RHBDD1: variants seen among roughly 807,000 people sequenced by gnomAD.
The protein encoded by RHBDD1 is rhomboid domain containing 1.
In RHBDD1, 38 loss-of-function variants were observed where a neutral mutation model predicts 36.3. The ratio of observed to expected loss-of-function variants is 1.05; its 90% confidence interval spans 0.81 to 1.37. The LOEUF (loss-of-function observed/expected upper bound fraction) is 1.37. RHBDD1 is among the 40% of genes most tolerant of loss of function. The pLI is 0.00. For missense variants in RHBDD1, 393 were observed against 377.6 expected (o/e 1.04, Z -0.34); for synonymous variants, 151 against 136.5 (o/e 1.11, Z -0.74).
chr2:226,866,815 T>C (rs1007414760), intron 4 of RHBDD1, among the ~76,000 whole-genome samples: 5 of 152,158 alleles, frequency 3.3e-5, no homozygotes, highest in African/African-American at 9.7e-5. Context: ...TGTTTTTCCA[T>C]AGAGGTTAGA....
At position 226,914,334 on chromosome 2, in the gene RHBDD1, C is replaced by T; in HGVS notation, c.839C>T (p.Ala280Val). 6.2e-7 allele frequency: 1 copy of T among 1,613,254 alleles called. No homozygotes were observed. Among genetic ancestry groups the T allele is most frequent in the Middle Eastern group, 1.7e-4 (1 of 6,054 alleles). The change falls in exon 8 of 9, where the codon GCC becomes GTC. Residue 280 changes from alanine (A) to valine (V), a missense_variant. Transcript: ENST00000392062. ...EEEQLERALQASLWDRGNTRN... is the reference protein window; with the variant it reads ...EEEQLERALQVSLWDRGNTRN... Reference sequence around the variant, plus strand: ...GAACAGCTCGAGAGAGCATTACAAGCCAGCCTCTGGGACCGAGGTAGGAGT... The same window carrying T: ...GAACAGCTCGAGAGAGCATTACAAGTCAGCCTCTGGGACCGAGGTAGGAGT...
At chr2:226,851,403 G>C in intron 3 of RHBDD1, among the ~76,000 whole-genome samples, 1 of 152,024 alleles carries the variant, frequency 6.6e-6, no homozygotes, top group East Asian at 1.9e-4. Context: ...ATCCAACTGA[G>C]CCTAAAGAAA....
intron 3 of RHBDD1, among the ~76,000 whole-genome samples, chr2:226,842,177 CTG>C (rs150015692): frequency 0.17 from 26,189 of 151,860 alleles, 3,461 homozygotes; most frequent in African/African-American, 0.37. Context: ...TCCTTGTAGA[CTG>C]TGGATATTAA....
intron 8 of RHBDD1, among the ~76,000 whole-genome samples, chr2:226,986,588 C>T (rs1410405613): frequency 6.6e-6 from 1 of 152,198 alleles, no homozygotes. Context: ...AAAAGCTCAT[C>T]ATCACTGGTC....
At chr2:226,802,939 T>G in the RHBDD1 span, among the ~76,000 whole-genome samples, 1 of 152,208 alleles carries the variant, frequency 6.6e-6, no homozygotes. Context: ...AATGCAAAAT[T>G]TATAGATTAT....
At chr2:226,801,984 C>T in the RHBDD1 span, among the ~76,000 whole-genome samples, 721 of 152,126 alleles carry the variant, frequency 4.7e-3, 8 homozygotes, top group African/African-American at 0.017. Flanking sequence ...TGGACATTTA[C>T]TTTTCAAATG....
At chr2:226,984,353 C>G (rs1471824159) in intron 8 of RHBDD1, among the ~76,000 whole-genome samples, 2 of 152,208 alleles carry the variant, frequency 1.3e-5, no homozygotes, top group Non-Finnish European at 2.9e-5. Context: ...AGTGGGGTCC[C>G]TCTTCCTGGA....
At chr2:226,880,290 C>T (rs1490340180) in intron 5 of RHBDD1, among the ~76,000 whole-genome samples, 2 of 152,118 alleles carry the variant, frequency 1.3e-5, no homozygotes, top group Admixed American at 6.5e-5. Flanking sequence ...AAGTAGGGGA[C>T]ATTTTTCTTC....
chr2:226,895,693 A>G (rs1008743530), intron 5 of RHBDD1: 55 of 985,232 alleles, frequency 5.6e-5, no homozygotes, highest in Non-Finnish European at 6.5e-5. Flanking sequence ...ACAGATCCTA[A>G]AGAAGCTTAG....
chr2:226,894,661 G>A (rs1475896119), intron 5 of RHBDD1, among the ~76,000 whole-genome samples: 1 of 152,136 alleles, frequency 6.6e-6, no homozygotes, highest in Non-Finnish European at 1.5e-5. Flanking sequence ...TTGTATATGT[G>A]TCTGTGTACA....
chr2:226,923,228 A>G (rs1949447086), intron 8 of RHBDD1, among the ~76,000 whole-genome samples: 1 of 152,188 alleles, frequency 6.6e-6, no homozygotes, highest in Non-Finnish European at 1.5e-5. Context: ...GAAATCTCTC[A>G]GCTTTTCTTG....
intron 8 of RHBDD1, among the ~76,000 whole-genome samples, chr2:226,927,125 C>T (rs1287740341): frequency 6.6e-6 from 1 of 152,078 alleles, no homozygotes; most frequent in Admixed American, 6.6e-5. Flanking sequence ...ACCCTTAATC[C>T]TCAACAAGCA....
At chr2:226,847,222 A>G (rs919891151) in intron 3 of RHBDD1, among the ~76,000 whole-genome samples, 1 of 152,230 alleles carries the variant, frequency 6.6e-6, no homozygotes, top group Non-Finnish European at 1.5e-5. Context: ...TCATTTCAAA[A>G]CAAGCATTAT....
chr2:226,879,611 T>C (rs1945537684), intron 5 of RHBDD1, among the ~76,000 whole-genome samples: 1 of 152,188 alleles, frequency 6.6e-6, no homozygotes, highest in Admixed American at 6.5e-5. Flanking sequence ...AAATGAGGTA[T>C]AAAATTTAAT....
chr2:226,939,510 G>A (rs1392576790), intron 8 of RHBDD1, among the ~76,000 whole-genome samples: 2 of 152,118 alleles, frequency 1.3e-5, no homozygotes, highest in South Asian at 2.1e-4. Flanking sequence ...AATCACGAAT[G>A]AACTCCCATT....
At chr2:226,885,674 G>A (rs1394153481) in intron 5 of RHBDD1, among the ~76,000 whole-genome samples, 1 of 152,082 alleles carries the variant, frequency 6.6e-6, no homozygotes, top group Non-Finnish European at 1.5e-5. Context: ...GGAATTATTG[G>A]TATTATTTAT....
At chr2:226,929,206 A>G (rs1276932655) in intron 8 of RHBDD1, among the ~76,000 whole-genome samples, 1 of 152,112 alleles carries the variant, frequency 6.6e-6, no homozygotes, top group Non-Finnish European at 1.5e-5. Flanking sequence ...AAAGAATAAA[A>G]ATACAGACAA....
At chr2:226,818,696 A>G in the RHBDD1 span, among the ~76,000 whole-genome samples, 2 of 151,484 alleles carry the variant, frequency 1.3e-5, no homozygotes, top group African/African-American at 4.8e-5. Context: ...AAAGTTAGCC[A>G]GGCGTGGTGG....
chr2:226,973,091 A>G (rs1257715787), intron 8 of RHBDD1, among the ~76,000 whole-genome samples: 1 of 152,186 alleles, frequency 6.6e-6, no homozygotes, highest in Non-Finnish European at 1.5e-5. Flanking sequence ...TCCTCACAGA[A>G]GTTCCTCCCT....
Sources: gnomAD v4.1 joint callset for allele counts (sites outside exome capture counted in the v4.1 genomes callset) on GRCh38, gnomAD v4.1.1 for gene constraint, MANE v1.5 for transcripts, NCBI Gene and HGNC (gene_info 2026-07-23, HGNC 2026-07-21) for gene names.